Variants in ABCA4 observed in about 807,000 individuals in gnomAD.
ABCA4 encodes the protein retinal-specific phospholipid-transporting ATPase ABCA4.
A neutral mutation model predicts 263.7 loss-of-function variants in ABCA4; 196 were observed. That is an observed-to-expected ratio of 0.74 (90% CI 0.66 to 0.84). ABCA4 has a LOEUF of 0.84. Ranked by LOEUF, ABCA4 falls within the 40% of genes least tolerant of loss-of-function variation. The pLI is 0.00. For synonymous variants in ABCA4, 1,133 were observed against 1,094.2 expected (o/e 1.04, Z -0.70); for missense variants, 2,792 against 2,855.1 (o/e 0.98, Z 0.50).
In ABCA4 at chr1:94,001,955, A is replaced by G. The variant is rs769706474; in HGVS notation, c.6185T>C (p.Val2062Ala). ...CGTGCCAGCCAGGCAGTCGGCGTAG[A>G]CAGTCAGGCCCAGGCTCTTAATACT... ...NWSIKSLGLTVYADCLAGTYS... is the reference protein window; with the variant it reads ...NWSIKSLGLTAYADCLAGTYS... Residue 2062 changes from valine to alanine, a missense_variant, in exon 45 of 50, where the codon GTC becomes GCC. Transcript: ENST00000370225. The G allele has an allele frequency of 6.2e-7, 1 of 1,614,222 alleles. No homozygotes were observed. The highest frequency in any genetic ancestry group is 2.2e-5 in the East Asian group (1 of 44,874).
intron 11 of ABCA4, among the ~76,000 whole-genome samples, chr1:94,075,374 A>G (rs1661513214): frequency 6.6e-6 from 1 of 152,206 alleles, no homozygotes; most frequent in African/African-American, 2.4e-5. Flanking sequence ...CCTGTTTTAT[A>G]AAATGCATTC....
chr1:94,043,430 T>C lies in ABCA4; in HGVS notation c.3096A>G (p.Gly1032=), dbSNP rs778400379. ...EHMLFYAQLK[G]KSQEEAQLEM... is the part of the protein sequence containing the mutation. ...CCAGCTGGGCCTCCTCCTGGGACTTTCCTTTCAGCTGGGCATAGAACAGCA... is the reference window on the plus strand; with the variant it reads ...CCAGCTGGGCCTCCTCCTGGGACTTCCCTTTCAGCTGGGCATAGAACAGCA... The change falls in exon 21 of 50, where the codon GGA becomes GGG. Residue 1032 remains glycine (G), a synonymous_variant. Coordinates refer to ENST00000370225, the MANE Select transcript of ABCA4 (RefSeq NM_000350.3). The C allele has an allele frequency of 3.7e-6, 6 of 1,614,018 alleles. No individual in the cohort carries two copies. The highest frequency in any genetic ancestry group is 1.3e-5 in the African/African-American group (1 of 74,894).
At chr1:94,021,127 A>G (rs570729661) in intron 35 of ABCA4, 113 bp downstream of exon 35, 1 of 1,463,984 alleles carries the variant, frequency 6.8e-7, no homozygotes, top group Admixed American at 1.7e-5. Flanking sequence ...GTGCCTGACT[A>G]AACAGCATTA....
chr1:94,112,950 C>T, intron 2 of ABCA4, 23 bp downstream of exon 2: 9 of 1,600,156 alleles, frequency 5.6e-6, no homozygotes, highest in Non-Finnish European at 6.9e-6. Context: ...CAGGGCTTGC[C>T]CAAGCTACCC....
chr1:94,111,683 T>G (rs1449366346), intron 2 of ABCA4, 104 bp from the exon 3 acceptor site: 6 of 1,320,428 alleles, frequency 4.5e-6, no homozygotes, highest in Non-Finnish European at 6.5e-6. Flanking sequence ...GCCCCTCTGA[T>G]GTCCTCCTTC....
chr1:94,082,611 A>T (rs1661731677), intron 7 of ABCA4, among the ~76,000 whole-genome samples: 1 of 152,214 alleles, frequency 6.6e-6, no homozygotes, highest in Non-Finnish European at 1.5e-5. Flanking sequence ...GCAGTTTTCC[A>T]GGTTGGTGGA....
chr1:94,031,724 G>A, intron 27 of ABCA4, 54 bp downstream of exon 27: 2 of 1,609,378 alleles, frequency 1.2e-6, no homozygotes, highest in South Asian at 1.1e-5. Flanking sequence ...GAGAGGAGGG[G>A]AAGGCTGGGA....
chr1:94,000,778 A>G (rs866760555), intron 47 of ABCA4, 58 bp downstream of exon 47: 1 of 1,538,044 alleles, frequency 6.5e-7, no homozygotes, highest in South Asian at 1.1e-5. Context: ...AATGGAGAAC[A>G]CAGGATCCAG....
In ABCA4 at chr1:94,027,417, G is replaced by A. The variant is rs869320785; in HGVS notation, c.4539+2028C>T. On this transcript the variant is annotated intron_variant, in intron 30 of 49. Coordinates refer to ENST00000370225, the MANE Select transcript of ABCA4 (RefSeq NM_000350.3). ...CAGCCTTGACGTCCTGATGCTGGAGGGTTTTGAGTGGAGGCAGCCACAGGA... is the reference window on the plus strand; with the variant it reads ...CAGCCTTGACGTCCTGATGCTGGAGAGTTTTGAGTGGAGGCAGCCACAGGA... 3.9e-5 allele frequency among the ~76,000 whole-genome samples: 6 copies of A among 152,182 alleles called. No individual in the cohort carries two copies. The highest frequency in any genetic ancestry group is 8.8e-5 in the Non-Finnish European group (6 of 68,036).
chr1:94,108,359 A>G (rs1218772322), intron 4 of ABCA4, among the ~76,000 whole-genome samples: 2 of 152,138 alleles, frequency 1.3e-5, no homozygotes, highest in African/African-American at 4.8e-5. Flanking sequence ...CTTAACGTGG[A>G]TGAGACCTTT....
Position 94,019,751 on chromosome 1 carries a change from G to C in ABCA4, c.5027C>G (p.Thr1676Ser). 6.2e-7 allele frequency: 1 copy of C among 1,612,452 alleles called. No homozygotes were observed. Among genetic ancestry groups the C allele is most frequent in the East Asian group, 2.2e-5 (1 of 44,860 alleles). ...EQLSEITVLTTSVDAVVAICV... is the reference protein window; with the variant it reads ...EQLSEITVLTSSVDAVVAICV... ...GATGGCAACCACAGCATCCACTGAA[G>C]TGGTCAGCCTGCAGCAGGGCCAGAG... is the stretch of plus-strand genomic sequence containing the variant. The change falls in exon 36 of 50, where the codon ACT (threonine) becomes AGT (serine). Residue 1676 changes from threonine (T) to serine (S), a missense_variant. Coordinates refer to ENST00000370225, the MANE Select transcript of ABCA4 (RefSeq NM_000350.3).
intron 6 of ABCA4, among the ~76,000 whole-genome samples, chr1:94,097,180 G>A (rs1281640242): frequency 1.3e-5 from 2 of 152,100 alleles, no homozygotes; most frequent in African/African-American, 4.8e-5. Flanking sequence ...CTTTTCTGGG[G>A]TCCTGGGCTC....
In ABCA4 at chr1:93,998,020, C is replaced by G; in HGVS notation, c.6570G>C (p.Gln2190His). The G allele has an allele frequency of 1.9e-6, 3 of 1,614,204 alleles. No homozygotes were observed. Among genetic ancestry groups the G allele is most frequent in the Admixed American group, 1.7e-5 (1 of 60,032 alleles). Reference sequence around the variant, plus strand: ...TCTGCACACTGCCTGGGAAGTTCCCCTGGAAGAACTGCTCCACAGGGTTCA... The same window carrying G: ...TCTGCACACTGCCTGGGAAGTTCCCGTGGAAGAACTGCTCCACAGGGTTCA... Reference protein sequence around the residue: ...PDLNPVEQFFQGNFPGSVQRE... With the variant: ...PDLNPVEQFFHGNFPGSVQRE... The change falls in exon 48 of 50, where the codon CAG becomes CAC. Residue 2190 changes from glutamine (Q) to histidine (H), a missense_variant. Gln to His is a conservative substitution (Grantham distance 24). Coordinates refer to ENST00000370225, the MANE Select transcript of ABCA4 (RefSeq NM_000350.3).
rs1398904470 is a variant in ABCA4 at position 93,993,194 on chromosome 1, C to T, written c.*43G>A. The T allele has an allele frequency of 6.2e-7, 1 of 1,613,624 alleles. No homozygotes were observed. Among genetic ancestry groups the T allele is most frequent in the African/African-American group, 1.3e-5 (1 of 74,890 alleles). ...GCACAGGCTCCTGCGCCTCCAGCTG[C>T]CCAGAGTTCCTTTCTGGCTGCAGGA... On this transcript the variant is annotated 3_prime_UTR_variant, in exon 50 of 50. Coordinates refer to ENST00000370225, the MANE Select transcript of ABCA4 (RefSeq NM_000350.3).
At position 94,108,732 on chromosome 1, in the gene ABCA4, C is replaced by T; in HGVS notation, c.303-16G>A. On this transcript the variant is annotated splice_polypyrimidine_tract_variant and intron_variant, in intron 3 of 49. Transcript: ENST00000370225. ...CCTTGCCAAGCTGTAAGGACAAAGCCTCATTAATAAGGAAATAGCTGTTAT... is the reference window on the plus strand; with the variant it reads ...CCTTGCCAAGCTGTAAGGACAAAGCTTCATTAATAAGGAAATAGCTGTTAT... 6.2e-7 allele frequency: 1 copy of T among 1,613,616 alleles called. No individual in the cohort carries two copies. The highest frequency in any genetic ancestry group is 2.2e-5 in the East Asian group (1 of 44,874).
At chr1:94,060,509 T>C (rs542518801) in intron 14 of ABCA4, 28 bp downstream of exon 14, 1 of 1,604,030 alleles carries the variant, frequency 6.2e-7, no homozygotes, top group African/African-American at 1.3e-5. Flanking sequence ...GTATTCAAGA[T>C]TTTCTGGGCC....
At chr1:94,107,039 G>C (rs558819625) in intron 4 of ABCA4, among the ~76,000 whole-genome samples, 1 of 152,292 alleles carries the variant, frequency 6.6e-6, no homozygotes, top group South Asian at 2.1e-4. Context: ...GGAGCTGCAC[G>C]CATGCACGGG....
chr1:94,007,606 C>T lies in ABCA4; in HGVS notation c.6005+28G>A, dbSNP rs1416244708. On this transcript the variant is annotated intron_variant, in intron 43 of 49. Coordinates refer to ENST00000370225, the MANE Select transcript of ABCA4 (RefSeq NM_000350.3). Reference sequence around the variant, plus strand: ...TTCTCACAGGACCTGTGAGAGACTCCCTGAGACAGGAGGAGCAGGATACTC... The same window carrying T: ...TTCTCACAGGACCTGTGAGAGACTCTCTGAGACAGGAGGAGCAGGATACTC... The T allele has an allele frequency of 5.7e-6, 9 of 1,584,504 alleles. No homozygotes were observed. The South Asian group carries it at 6.6e-5, about 12-fold the overall frequency.
chr1:94,055,436 A>C, intron 15 of ABCA4, 121 bp from the exon 16 acceptor site: 5 of 958,236 alleles, frequency 5.2e-6, no homozygotes. Flanking sequence ...CTCTCAGTGT[A>C]AGGTCAGCTC....
Sources: gnomAD v4.1 joint callset for allele counts (sites outside exome capture counted in the v4.1 genomes callset) on GRCh38, gnomAD v4.1.1 for gene constraint, MANE v1.5 for transcripts, NCBI Gene and HGNC (gene_info 2026-07-23, HGNC 2026-07-21) for gene names.